The following NR6A1 variants were observed in gnomAD, a reference collection of about 807,000 sequenced individuals.
NR6A1 encodes the protein nuclear receptor subfamily 6 group A member 1, also known as retinoic acid receptor-related testis-associated receptor.
NR6A1 carries 7 observed loss-of-function variants against 59.1 expected under a neutral mutation model. The observed-to-expected ratio is 0.12, with a 90% CI of 0.07 to 0.22. The LOEUF is 0.22. NR6A1 is among the 10% of genes least tolerant of loss of function. The pLI is 1.00. For synonymous variants in NR6A1, 243 were observed against 236.1 expected, an observed-to-expected ratio of 1.03 and a Z score of -0.27; for missense variants, 468 against 611.6, an observed-to-expected ratio of 0.77 and a Z score of 2.48.
chr9:124,539,720 GATAAA>G (rs2131354725), intron 5 of NR6A1, among the ~76,000 whole-genome samples: 1 of 152,306 alleles, frequency 6.6e-6, no homozygotes, highest in South Asian at 2.1e-4. Context: ...TTATTTCAGT[GATAAA>G]ATAAATGAGG....
intron 2 of NR6A1, among the ~76,000 whole-genome samples, chr9:124,560,682 T>C (rs562693344): frequency 2.0e-4 from 30 of 152,274 alleles, no homozygotes; most frequent in Admixed American, 4.6e-4. Flanking sequence ...TGCCTCAGCC[T>C]CCCAAGTAGC....
chr9:124,691,922 C>T (rs1178496951), intron 2 of NR6A1, among the ~76,000 whole-genome samples: 1 of 152,150 alleles, frequency 6.6e-6, no homozygotes, highest in Non-Finnish European at 1.5e-5. Context: ...AGTGATGGGT[C>T]TACTCCTAGA....
intron 2 of NR6A1, among the ~76,000 whole-genome samples, chr9:124,721,473 G>T (rs111641694): frequency 0.011 from 1,719 of 152,230 alleles, 34 homozygotes; most frequent in African/African-American, 0.039. Flanking sequence ...GCAGGCACTC[G>T]GAACTGTTAT....
chr9:124,673,494 A>G (rs774037869), intron 2 of NR6A1, among the ~76,000 whole-genome samples: 3 of 151,898 alleles, frequency 2.0e-5, no homozygotes, highest in African/African-American at 7.3e-5. Context: ...CAAAACCAGA[A>G]TCTCAACCTG....
At chr9:124,716,754 C>G (rs112736985) in intron 2 of NR6A1, among the ~76,000 whole-genome samples, 4 of 152,180 alleles carry the variant, frequency 2.6e-5, no homozygotes, top group Non-Finnish European at 5.9e-5. Flanking sequence ...GCCACAGCCT[C>G]CTGAGTAGCT....
At chr9:124,668,417 T>G (rs940212639) in intron 2 of NR6A1, among the ~76,000 whole-genome samples, 1 of 152,186 alleles carries the variant, frequency 6.6e-6, no homozygotes, top group African/African-American at 2.4e-5. Flanking sequence ...TAAGTGGACC[T>G]GCGTGATTCA....
chr9:124,661,994 G>GA (rs1208714844), intron 2 of NR6A1, among the ~76,000 whole-genome samples: 1 of 150,898 alleles, frequency 6.6e-6, no homozygotes, highest in Non-Finnish European at 1.5e-5. Context: ...AGCTGGACAT[G>GA]AAAAAATTTA....
rs555764572 is a variant in NR6A1, at chr9:124,525,695, C to A, written c.1202-822G>T. The stretch of plus-strand genomic sequence containing the variant: ...TAAATAGATCTCTCTCTCTCTCTCT[C>A]TCTCTATATATATATACACACACAC... On this transcript the variant is annotated intron_variant, in intron 8 of 9. Coordinates refer to ENST00000487099, the MANE Select transcript of NR6A1 (RefSeq NM_033334.4). Among the ~76,000 whole-genome samples, 1,435 of 149,536 alleles carry A rather than the reference C, an allele frequency of 9.6e-3. 15 individuals carry two copies. The highest frequency in any genetic ancestry group is 0.031 in the African/African-American group (1,236 of 40,314).
At chr9:124,664,102 G>A (rs1484126735) in intron 2 of NR6A1, among the ~76,000 whole-genome samples, 1 of 152,118 alleles carries the variant, frequency 6.6e-6, no homozygotes, top group Non-Finnish European at 1.5e-5. Context: ...AAAGATTTAA[G>A]AAGGAATTCC....
intron 3 of NR6A1, among the ~76,000 whole-genome samples, chr9:124,548,748 T>C (rs1391594947): frequency 6.6e-6 from 1 of 152,190 alleles, no homozygotes; most frequent in Non-Finnish European, 1.5e-5. Context: ...GAAGCTTTCC[T>C]TGACCTTTAT....
rs1197654151 is a variant in NR6A1 at position 124,552,267 on chromosome 9, AG to A, written c.385+2060del. On this transcript the variant is annotated intron_variant, in intron 3 of 9. Coordinates refer to ENST00000487099, the MANE Select transcript of NR6A1 (RefSeq NM_033334.4). ...GCCAAAACCAAAACAGGGTGAGGGC[AG>A]GAAGTTGACAGACTCTTCAGACAGT... Among the ~76,000 whole-genome samples the A allele has an allele frequency of 2.6e-5, 4 of 152,356 alleles. No individual in the cohort carries two copies. The East Asian group carries it at 7.7e-4, about 29-fold the overall frequency.
chr9:124,639,034 G>GTT (rs1484692338), intron 2 of NR6A1, among the ~76,000 whole-genome samples: 1 of 152,184 alleles, frequency 6.6e-6, no homozygotes, highest in African/African-American at 2.4e-5. Flanking sequence ...AGCCATAATA[G>GTT]TTAACACAAT....
intron 2 of NR6A1, among the ~76,000 whole-genome samples, chr9:124,713,612 C>T (rs1294217144): frequency 6.6e-6 from 1 of 152,110 alleles, no homozygotes; most frequent in East Asian, 1.9e-4. Flanking sequence ...AAAGAAGACA[C>T]ACAAATGGTC....
intron 3 of NR6A1, among the ~76,000 whole-genome samples, 177 bp downstream of exon 3, chr9:124,554,151 T>TC (rs1247354575): frequency 6.6e-6 from 1 of 152,156 alleles, no homozygotes; most frequent in Admixed American, 6.5e-5. Context: ...CTAGTTTTCT[T>TC]CCCCCCACCT....
Position 124,543,870 on chromosome 9 carries a change from A to G in NR6A1, c.386-13T>C, listed in dbSNP as rs1833517686. 13 of 1,613,286 alleles carry G rather than the reference A, an allele frequency of 8.1e-6. No homozygotes were observed. The East Asian group carries it at 2.7e-4, about 33-fold the overall frequency. On this transcript the variant is annotated splice_polypyrimidine_tract_variant and intron_variant, in intron 3 of 9. Transcript: ENST00000487099. ...TCTTCTCTGATAGCTGGAAGGAAAG[A>G]TAAGTCAAGAAAGGCAGTCAGAAGC...
intron 2 of NR6A1, among the ~76,000 whole-genome samples, chr9:124,668,279 A>C: frequency 6.6e-6 from 1 of 152,176 alleles, no homozygotes; most frequent in East Asian, 1.9e-4. Flanking sequence ...CTTCACACTG[A>C]GTAGGCCAAA....
At chr9:124,640,645 C>T (rs1195163642) in intron 2 of NR6A1, among the ~76,000 whole-genome samples, 1 of 152,022 alleles carries the variant, frequency 6.6e-6, no homozygotes, top group African/African-American at 2.4e-5. Flanking sequence ...AGCAATCCTG[C>T]TTTGGCCTCC....
chr9:124,585,393 A>C (rs1314014097), intron 2 of NR6A1, among the ~76,000 whole-genome samples: 10 of 151,894 alleles, frequency 6.6e-5, no homozygotes, highest in Non-Finnish European at 1.5e-5. Flanking sequence ...ACAAAAACAA[A>C]ATTAGCCAGG....
In NR6A1 at chr9:124,676,652, A is replaced by C. The variant is rs77653957; in HGVS notation, c.142+56656T>G. On this transcript the variant is annotated intron_variant, in intron 2 of 9. Coordinates refer to ENST00000487099, the MANE Select transcript of NR6A1 (RefSeq NM_033334.4). ...ACTTCAAAAACAGGATCTCTCCTAAAGTAGTGATAATCCATTTGTGGCAAT... is the reference window on the plus strand; with the variant it reads ...ACTTCAAAAACAGGATCTCTCCTAACGTAGTGATAATCCATTTGTGGCAAT... Among the ~76,000 whole-genome samples, 90 of 152,340 alleles carry C rather than the reference A, an allele frequency of 5.9e-4. No individual in the cohort carries two copies. In the East Asian group the frequency reaches 0.015, roughly 25 times the overall value.
Sources: allele counts gnomAD v4.1 joint callset (sites outside exome capture counted in the v4.1 genomes callset), GRCh38; gene constraint gnomAD v4.1.1; transcripts MANE v1.5; gene names NCBI Gene and HGNC (gene_info 2026-07-23, HGNC 2026-07-21).